MYO10: variants seen among roughly 807,000 people sequenced by gnomAD.
The protein encoded by MYO10 is myosin X.
A neutral mutation model predicts 257.3 loss-of-function variants in MYO10; 133 were observed. The observed-to-expected ratio is 0.52, with a 90% confidence interval of 0.45 to 0.60. MYO10 has a LOEUF of 0.60. Ranked by LOEUF, MYO10 falls within the 20% of genes least tolerant of loss-of-function variation. The pLI is 0.00. For synonymous variants in MYO10, 1,104 were observed against 1,028.6 expected (o/e 1.07, Z -1.40); for missense variants, 2,399 against 2,635.7 (o/e 0.91, Z 1.97).
At chr5:16,771,443 C>G (rs976919615) in intron 9 of MYO10, among the ~76,000 whole-genome samples, 2 of 151,328 alleles carry the variant, frequency 1.3e-5, no homozygotes, top group Non-Finnish European at 2.9e-5. Flanking sequence ...GAGAGAAAAA[C>G]CAACAACAAA....
At chr5:16,715,041 T>C (rs1301508531) in intron 19 of MYO10, among the ~76,000 whole-genome samples, 1 of 151,126 alleles carries the variant, frequency 6.6e-6, no homozygotes, top group Non-Finnish European at 1.5e-5. Context: ...ATATGATTAT[T>C]ACACGTCATA....
intron 2 of MYO10, among the ~76,000 whole-genome samples, chr5:16,840,834 A>T (rs1398092666): frequency 2.6e-5 from 4 of 152,024 alleles, no homozygotes; most frequent in Admixed American, 6.6e-5. Context: ...TATCTTTAAA[A>T]TTTTTTTTAA....
chr5:16,876,424 T>C (rs1240857438), intron 2 of MYO10, among the ~76,000 whole-genome samples: 1 of 152,186 alleles, frequency 6.6e-6, no homozygotes, highest in African/African-American at 2.4e-5. Context: ...AGAAACTTCT[T>C]CAGTTGCTTA....
At chr5:16,715,714 TACATG>T (rs1263166842) in intron 19 of MYO10, among the ~76,000 whole-genome samples, 19 of 152,202 alleles carry the variant, frequency 1.2e-4, no homozygotes, top group African/African-American at 4.6e-4. Flanking sequence ...ATAAGGCAAT[TACATG>T]ACATAAGAAC....
At position 16,712,351 on chromosome 5, in the gene MYO10, A is replaced by T. The variant is rs530528112; in HGVS notation, c.1930-1106T>A. Among the ~76,000 whole-genome samples the T allele has an allele frequency of 1.3e-4, 20 of 152,336 alleles. No individual in the cohort carries two copies. In the East Asian group the frequency reaches 3.3e-3, roughly 25 times the overall value. ...TTGTTCAGCTGCCAAACAAACTGGC[A>T]CTGGGGCCAGGACAATAGGTTTTCA... On this transcript the variant is annotated intron_variant, in intron 19 of 40. Coordinates refer to ENST00000513610, the MANE Select transcript of MYO10 (RefSeq NM_012334.3).
chr5:16,909,755 G>A (rs925311027), intron 1 of MYO10, among the ~76,000 whole-genome samples: 2 of 152,026 alleles, frequency 1.3e-5, no homozygotes, highest in Non-Finnish European at 2.9e-5. Flanking sequence ...TGATGGAGGC[G>A]GGCCTGGTGG....
intron 10 of MYO10, 77 bp downstream of exon 10, chr5:16,768,997 T>C: frequency 6.7e-7 from 1 of 1,499,556 alleles, no homozygotes; most frequent in Non-Finnish European, 8.9e-7. Context: ...TCTGAAAGGC[T>C]AGACAGTCAA....
In MYO10 at chr5:16,691,086, G is replaced by A. The variant is rs189386357; in HGVS notation, c.3801-1167C>T. On this transcript the variant is annotated intron_variant, in intron 27 of 40. Transcript: ENST00000513610. ...AGATCGAGACCATCCTGGCTAACAC[G>A]GTGAAACCCCATCTCTACTAAAAAT... Among the ~76,000 whole-genome samples the A allele has an allele frequency of 6.3e-3, 951 of 151,256 alleles. 8 individuals carry two copies. Among genetic ancestry groups the A allele is most frequent in the Middle Eastern group, 0.042 (12 of 288 alleles).
chr5:16,926,805 C>A (rs1746145588), intron 1 of MYO10, among the ~76,000 whole-genome samples: 1 of 151,664 alleles, frequency 6.6e-6, no homozygotes, highest in Non-Finnish European at 1.5e-5. Context: ...TGACTCTAAC[C>A]ACATAACAAG....
At chr5:16,768,597 G>A (rs1201356723) in intron 10 of MYO10, among the ~76,000 whole-genome samples, 2 of 148,404 alleles carry the variant, frequency 1.3e-5, no homozygotes, top group Non-Finnish European at 3.0e-5. Flanking sequence ...CCTAACCGAC[G>A]CTTCATATCT....
chr5:16,795,026 G>A (rs1435394959), intron 3 of MYO10, among the ~76,000 whole-genome samples, 193 bp from the exon 4 acceptor site: 5 of 152,178 alleles, frequency 3.3e-5, no homozygotes, highest in Non-Finnish European at 7.3e-5. Flanking sequence ...AAGAGGGATG[G>A]CAGTGAAAGG....
At chr5:16,772,437 G>A (rs946966170) in intron 9 of MYO10, among the ~76,000 whole-genome samples, 1 of 152,138 alleles carries the variant, frequency 6.6e-6, no homozygotes, top group South Asian at 2.1e-4. Flanking sequence ...CCAGCCTATG[G>A]TATACTTTTT....
intron 1 of MYO10, among the ~76,000 whole-genome samples, chr5:16,920,604 A>G (rs1392645131): frequency 1.3e-5 from 2 of 152,240 alleles, no homozygotes; most frequent in African/African-American, 2.4e-5. Flanking sequence ...AAGTCTACAC[A>G]TGTGATAACA....
chr5:16,858,087 T>C (rs575502619), intron 2 of MYO10, among the ~76,000 whole-genome samples: 1 of 152,306 alleles, frequency 6.6e-6, no homozygotes, highest in East Asian at 1.9e-4. Context: ...ACAAAGACCA[T>C]AGCAAGGCCT....
intron 3 of MYO10, among the ~76,000 whole-genome samples, chr5:16,812,515 A>G (rs1210385647): frequency 6.6e-6 from 1 of 152,166 alleles, no homozygotes; most frequent in African/African-American, 2.4e-5. Context: ...TCATCATCAC[A>G]TAACCCTCAA....
At chr5:16,712,958 G>A (rs529914595) in intron 19 of MYO10, among the ~76,000 whole-genome samples, 5 of 152,134 alleles carry the variant, frequency 3.3e-5, no homozygotes, top group African/African-American at 9.7e-5. Context: ...ATGCGGGTTG[G>A]GGGGTGGCTG....
chr5:16,790,203 C>A (rs1741711765), intron 4 of MYO10, among the ~76,000 whole-genome samples: 1 of 151,968 alleles, frequency 6.6e-6, no homozygotes, highest in Admixed American at 6.6e-5. Context: ...TTTGAAAAAC[C>A]AAAACACACA....
chr5:16,934,832 A>G (rs1746389639), intron 1 of MYO10, among the ~76,000 whole-genome samples: 1 of 152,254 alleles, frequency 6.6e-6, no homozygotes, highest in Non-Finnish European at 1.5e-5. Flanking sequence ...CGGCTAACAC[A>G]GAGGCAAGCC....
intron 26 of MYO10, among the ~76,000 whole-genome samples, chr5:16,697,366 A>G (rs1251340063): frequency 2.6e-5 from 4 of 152,222 alleles, no homozygotes; most frequent in African/African-American, 7.2e-5. Context: ...AGAAGCTAAC[A>G]GAAAAGAGAA....
Sources: allele counts gnomAD v4.1 joint callset (sites outside exome capture counted in the v4.1 genomes callset), GRCh38; gene constraint gnomAD v4.1.1; transcripts MANE v1.5; gene names NCBI Gene and HGNC (gene_info 2026-07-23, HGNC 2026-07-21).